NELL1: variants seen among roughly 807,000 people sequenced by gnomAD.
NELL1 encodes the protein protein kinase C-binding protein NELL1.
In NELL1, 76 loss-of-function variants were observed where a neutral mutation model predicts 107.4. The ratio of observed to expected loss-of-function variants is 0.71; its 90% CI spans 0.59 to 0.86. The LOEUF is 0.86. Ranked by LOEUF, NELL1 falls within the 40% of genes least tolerant of loss-of-function variation. NELL1 has a pLI of 0.00. For missense variants in NELL1, 1,024 were observed against 1,005.5 expected (o/e 1.02, Z -0.25); for synonymous variants, 353 against 341.2 (o/e 1.03, Z -0.38).
At chr11:21,010,254 T>G (rs1375314269) in intron 12 of NELL1, among the ~76,000 whole-genome samples, 2 of 152,142 alleles carry the variant, frequency 1.3e-5, no homozygotes, top group Non-Finnish European at 2.9e-5. Context: ...ACTGTTTACT[T>G]CCATTCTTTT....
At chr11:20,748,350 A>G (rs1463345329) in intron 2 of NELL1, among the ~76,000 whole-genome samples, 1 of 152,096 alleles carries the variant, frequency 6.6e-6, no homozygotes, top group African/African-American at 2.4e-5. Context: ...GGTACATTTT[A>G]GATATTTTGT....
intron 14 of NELL1, among the ~76,000 whole-genome samples, chr11:21,362,814 C>T (rs749593464): frequency 1.3e-4 from 19 of 150,838 alleles, no homozygotes; most frequent in African/African-American, 1.7e-4. Flanking sequence ...GGGAGGCTTA[C>T]GCAAGTCTTG....
At chr11:21,280,492 A>G (rs1848968617) in intron 14 of NELL1, among the ~76,000 whole-genome samples, 1 of 152,190 alleles carries the variant, frequency 6.6e-6, no homozygotes, top group South Asian at 2.1e-4. Context: ...AGCAGGAGCC[A>G]TGTGACATGA....
At chr11:21,165,861 C>T (rs1423261912) in intron 13 of NELL1, among the ~76,000 whole-genome samples, 1 of 145,756 alleles carries the variant, frequency 6.9e-6, no homozygotes, top group Non-Finnish European at 1.5e-5. Context: ...CTCCTGGGTT[C>T]AAGCAATTCT....
chr11:20,765,518 G>C (rs1338087223), intron 2 of NELL1, among the ~76,000 whole-genome samples: 3 of 152,206 alleles, frequency 2.0e-5, no homozygotes, highest in African/African-American at 7.2e-5. Context: ...TTAGCTGGGG[G>C]CTGGGGTCTA....
At chr11:20,960,621 A>G in intron 12 of NELL1, 61 bp downstream of exon 12, 2 of 1,585,806 alleles carry the variant, frequency 1.3e-6, no homozygotes, top group Non-Finnish European at 1.7e-6. Context: ...TATGCCTGGT[A>G]GATGTGGTTA....
chr11:20,683,610 T>C (rs1382617087), intron 2 of NELL1, among the ~76,000 whole-genome samples: 1 of 152,132 alleles, frequency 6.6e-6, no homozygotes, highest in Non-Finnish European at 1.5e-5. Context: ...TGAAGGACTT[T>C]CTTTAACATT....
chr11:21,188,916 A>G (rs1856990550), intron 13 of NELL1, among the ~76,000 whole-genome samples: 1 of 151,872 alleles, frequency 6.6e-6, no homozygotes, highest in Admixed American at 6.6e-5. Context: ...ATCCTATCAA[A>G]TCTTAACATG....
intron 3 of NELL1, among the ~76,000 whole-genome samples, chr11:20,836,010 A>G (rs1848528586): frequency 6.6e-6 from 1 of 152,144 alleles, no homozygotes. Context: ...GATTGGGAGA[A>G]ATATTTGAAA....
At chr11:20,702,889 G>T (rs545618986) in intron 2 of NELL1, among the ~76,000 whole-genome samples, 10 of 152,212 alleles carry the variant, frequency 6.6e-5, no homozygotes, top group South Asian at 2.1e-4. Context: ...AGCTTTTTGA[G>T]GTGCTGCTGG....
intron 15 of NELL1, among the ~76,000 whole-genome samples, chr11:21,450,895 G>A (rs1258465091): frequency 2.0e-5 from 3 of 151,880 alleles, no homozygotes. Flanking sequence ...TTTTTAGAAA[G>A]AAATGGAGGG....
intron 2 of NELL1, among the ~76,000 whole-genome samples, chr11:20,780,066 T>A (rs1244992804): frequency 6.6e-6 from 1 of 152,216 alleles, no homozygotes; most frequent in East Asian, 1.9e-4. Flanking sequence ...AGAATGCACA[T>A]AAAGCCTCAG....
chr11:21,569,937 G>A (rs1010339027), intron 17 of NELL1, among the ~76,000 whole-genome samples: 1 of 151,752 alleles, frequency 6.6e-6, no homozygotes, highest in African/African-American at 2.4e-5. Flanking sequence ...GAATGGTGAT[G>A]ACAGACAGGT....
intron 14 of NELL1, among the ~76,000 whole-genome samples, chr11:21,363,198 G>A (rs1328913081): frequency 6.6e-6 from 1 of 152,182 alleles, no homozygotes; most frequent in Non-Finnish European, 1.5e-5. Flanking sequence ...TCCACTGGTT[G>A]CCTGCCCCGA....
intron 13 of NELL1, among the ~76,000 whole-genome samples, chr11:21,200,220 C>G (rs1426518191): frequency 2.6e-5 from 4 of 152,154 alleles, no homozygotes; most frequent in Admixed American, 6.5e-5. Context: ...GGAATCGCCA[C>G]ACTGTCTTCC....
At chr11:21,119,835 A>G (rs1422195279) in intron 13 of NELL1, among the ~76,000 whole-genome samples, 1 of 152,040 alleles carries the variant, frequency 6.6e-6, no homozygotes, top group East Asian at 1.9e-4. Context: ...TCTGACTTTC[A>G]TTTATCCCCA....
intron 10 of NELL1, 86 bp downstream of exon 10, chr11:20,937,945 A>G: frequency 7.7e-7 from 1 of 1,300,566 alleles, no homozygotes; most frequent in African/African-American, 1.4e-5. Context: ...TGAGTGGGGC[A>G]TATTGGCCTG....
chr11:20,744,119 C>G (rs944367041), intron 2 of NELL1, among the ~76,000 whole-genome samples: 1 of 152,174 alleles, frequency 6.6e-6, no homozygotes, highest in African/African-American at 2.4e-5. Context: ...TTATTCCAAG[C>G]TACTATCATT....
intron 2 of NELL1, among the ~76,000 whole-genome samples, chr11:20,694,123 C>T (rs1414224823): frequency 3.9e-5 from 6 of 152,152 alleles, no homozygotes; most frequent in East Asian, 1.9e-4. Flanking sequence ...CAAGCCTTGG[C>T]TTTCAGCTCC....
Sources: allele counts gnomAD v4.1 joint callset (sites outside exome capture counted in the v4.1 genomes callset), GRCh38; gene constraint gnomAD v4.1.1; transcripts MANE v1.5; gene names NCBI Gene and HGNC (gene_info 2026-07-23, HGNC 2026-07-21).